LRMDA: variants seen among roughly 807,000 people sequenced by gnomAD.
LRMDA encodes leucine rich melanocyte differentiation associated.
Under a neutral mutation model 29.8 loss-of-function variants are expected in LRMDA, and 18 were observed. That is an observed-to-expected ratio of 0.60 (90% confidence interval 0.42 to 0.90). The LOEUF is 0.90. Ranked by LOEUF, LRMDA falls within the 40% of genes least tolerant of loss-of-function variation. LRMDA has a pLI of 0.00. For missense variants in LRMDA, 273 were observed against 273.9 expected (o/e 1.00, Z 0.02); for synonymous variants, 125 against 109.4 (o/e 1.14, Z -0.89).
chr10:76,111,665 G>A, intron 5 of LRMDA, among the ~76,000 whole-genome samples: 2 of 152,280 alleles, frequency 1.3e-5, no homozygotes, highest in Middle Eastern at 3.4e-3. Flanking sequence ...TAACACACAA[G>A]AAAACTTTAC....
intron 2 of LRMDA, among the ~76,000 whole-genome samples, chr10:75,865,754 C>T (rs554501025): frequency 6.6e-6 from 1 of 152,128 alleles, no homozygotes; most frequent in African/African-American, 2.4e-5. Context: ...AATTTCTTGG[C>T]TAATTTTTTT....
intron 6 of LRMDA, among the ~76,000 whole-genome samples, chr10:76,362,524 A>T: frequency 6.6e-6 from 1 of 152,262 alleles, no homozygotes; most frequent in East Asian, 1.9e-4. Flanking sequence ...ATTTAAGAAC[A>T]TTCACTATGG....
intron 2 of LRMDA, among the ~76,000 whole-genome samples, chr10:75,758,916 G>T (rs959164580): frequency 6.6e-6 from 1 of 152,016 alleles, no homozygotes; most frequent in Non-Finnish European, 1.5e-5. Flanking sequence ...AAATTGCCAG[G>T]GGTGGGACAT....
intron 2 of LRMDA, among the ~76,000 whole-genome samples, chr10:75,578,235 A>AAAAAAAAAAAAAAAAAAAAAAAAAAAAC (rs1840535665): frequency 6.8e-6 from 1 of 148,108 alleles, no homozygotes; most frequent in Non-Finnish European, 1.5e-5. Context: ...AAAAAAAAAA[A>AAAAAAAAAAAAAAAAAAAAAAAAAAAAC]AAAAGCAGCA....
At chr10:75,439,538 T>C (rs542810838) in intron 2 of LRMDA, among the ~76,000 whole-genome samples, 2 of 151,960 alleles carry the variant, frequency 1.3e-5, no homozygotes, top group East Asian at 3.9e-4. Context: ...GCACGAGAGG[T>C]GGAAGAGGAT....
At chr10:76,122,989 C>T (rs1025884155) in intron 5 of LRMDA, among the ~76,000 whole-genome samples, 3 of 152,250 alleles carry the variant, frequency 2.0e-5, no homozygotes, top group South Asian at 4.1e-4. Context: ...ATTCCCAGAT[C>T]TGGGCATTTT....
intron 6 of LRMDA, among the ~76,000 whole-genome samples, chr10:76,469,720 T>A (rs1409339302): frequency 6.6e-6 from 1 of 151,840 alleles, no homozygotes; most frequent in Non-Finnish European, 1.5e-5. Context: ...GAGCAAAAAC[T>A]TACACCAGAG....
intron 6 of LRMDA, among the ~76,000 whole-genome samples, chr10:76,508,844 C>T (rs1336802553): frequency 6.6e-6 from 1 of 152,112 alleles, no homozygotes; most frequent in Non-Finnish European, 1.5e-5. Context: ...TTAAATAATA[C>T]ATCTGATGCC....
chr10:76,010,134 C>G (rs551505605), intron 2 of LRMDA, among the ~76,000 whole-genome samples: 185 of 152,162 alleles, frequency 1.2e-3, no homozygotes, highest in African/African-American at 4.3e-3. Context: ...GCTAGGGAGC[C>G]AAAGGCTTCC....
intron 2 of LRMDA, among the ~76,000 whole-genome samples, chr10:75,652,472 G>A (rs1034693095): frequency 6.6e-6 from 1 of 152,248 alleles, no homozygotes; most frequent in African/African-American, 2.4e-5. Context: ...CTATATCACA[G>A]TGCTTTGCAG....
intron 2 of LRMDA, among the ~76,000 whole-genome samples, chr10:75,887,231 A>G (rs753427279): frequency 3.3e-5 from 5 of 151,594 alleles, no homozygotes; most frequent in African/African-American, 4.8e-5. Flanking sequence ...ATAGAAAAAT[A>G]CTGGCTTTGG....
chr10:75,749,854 G>A (rs1842933121), intron 2 of LRMDA, among the ~76,000 whole-genome samples: 1 of 152,070 alleles, frequency 6.6e-6, no homozygotes, highest in Non-Finnish European at 1.5e-5. Context: ...CTGTCTTCAA[G>A]CATCTGTTTA....
chr10:75,603,410 G>A lies in LRMDA; in HGVS notation c.131+164916G>A, dbSNP rs1840913536. On this transcript the variant is annotated intron_variant, in intron 2 of 6. Transcript: ENST00000611255. ...ACTATCCAGGACTTGCAGCTTTCTA[G>A]TAGAAGTCTGAGTGTTTTTTAAAAT... Among the ~76,000 whole-genome samples the A allele has an allele frequency of 2.0e-5, 3 of 152,112 alleles. No individual in the cohort carries two copies. The South Asian group carries it at 6.2e-4, about 32-fold the overall frequency.
At chr10:76,000,765 G>C (rs1012790477) in intron 2 of LRMDA, among the ~76,000 whole-genome samples, 5 of 152,050 alleles carry the variant, frequency 3.3e-5, no homozygotes, top group African/African-American at 4.8e-5. Flanking sequence ...TGTCTCCTGG[G>C]GCCCCTCCGT....
intron 5 of LRMDA, among the ~76,000 whole-genome samples, chr10:76,134,235 C>T (rs999505017): frequency 2.0e-5 from 3 of 152,180 alleles, no homozygotes; most frequent in Non-Finnish European, 2.9e-5. Context: ...CAGGCAGCAG[C>T]GGCTGTTGGG....
At position 75,824,228 on chromosome 10, in the gene LRMDA, C is replaced by T. The variant is rs185271990; in HGVS notation, c.132-211780C>T. ...TATATTATCAAAATATTTTTTTCTA[C>T]CTGTTTCTTTTTGCCTTTTTAATGT... is the stretch of plus-strand genomic sequence containing the variant. On this transcript the variant is annotated intron_variant, in intron 2 of 6. Transcript: ENST00000611255. Among the ~76,000 whole-genome samples, 16 of 152,204 alleles carry T rather than the reference C, an allele frequency of 1.1e-4. No homozygotes were observed. The East Asian group carries it at 3.1e-3, about 29-fold the overall frequency.
At chr10:75,839,706 T>C (rs949738058) in intron 2 of LRMDA, among the ~76,000 whole-genome samples, 3 of 135,466 alleles carry the variant, frequency 2.2e-5, no homozygotes, top group Admixed American at 7.3e-5. Flanking sequence ...CTTTCTTTTT[T>C]TTTTTTTTTT....
chr10:76,113,248 T>C (rs1190926340), intron 5 of LRMDA, among the ~76,000 whole-genome samples: 1 of 152,074 alleles, frequency 6.6e-6, no homozygotes, highest in Non-Finnish European at 1.5e-5. Flanking sequence ...CATAGTGTCT[T>C]AGAAGATCCA....
At chr10:76,089,339 A>G (rs1190576950) in intron 5 of LRMDA, among the ~76,000 whole-genome samples, 1 of 152,232 alleles carries the variant, frequency 6.6e-6, no homozygotes, top group Non-Finnish European at 1.5e-5. Context: ...TTGTCGATGG[A>G]AATACAGAGA....
Sources: gnomAD v4.1 joint callset for allele counts (sites outside exome capture counted in the v4.1 genomes callset) on GRCh38, gnomAD v4.1.1 for gene constraint, MANE v1.5 for transcripts, NCBI Gene and HGNC (gene_info 2026-07-23, HGNC 2026-07-21) for gene names.